FBXL17: variants seen among roughly 807,000 people sequenced by gnomAD.
FBXL17 encodes F-box/LRR-repeat protein 17.
A neutral mutation model predicts 66.2 loss-of-function variants in FBXL17; 22 were observed. The observed-to-expected ratio is 0.33, with a 90% CI of 0.24 to 0.47. The LOEUF (loss-of-function observed/expected upper bound fraction) is 0.47. Ranked by LOEUF, FBXL17 falls within the 20% of genes least tolerant of loss-of-function variation. The pLI is 1.00. For synonymous variants in FBXL17, 474 were observed against 400.5 expected (o/e 1.18, Z -2.19); for missense variants, 878 against 948.2 (o/e 0.93, Z 0.97).
intron 6 of FBXL17, among the ~76,000 whole-genome samples, chr5:108,044,512 C>T (rs1226036307): frequency 6.6e-6 from 1 of 152,124 alleles, no homozygotes; most frequent in Non-Finnish European, 1.5e-5. Context: ...GGCCATAGTG[C>T]ATGATTCTTT....
chr5:108,205,963 T>C (rs1754099554), intron 5 of FBXL17, among the ~76,000 whole-genome samples: 1 of 152,140 alleles, frequency 6.6e-6, no homozygotes, highest in Admixed American at 6.6e-5. Flanking sequence ...CTCTACTGCA[T>C]CACCTCAAGA....
intron 1 of FBXL17, among the ~76,000 whole-genome samples, chr5:108,371,319 T>C (rs983263208): frequency 4.6e-5 from 7 of 152,180 alleles, no homozygotes; most frequent in African/African-American, 1.7e-4. Context: ...CTTAATTTTA[T>C]CATAAAAGCA....
chr5:108,088,366 T>C (rs1749049391), intron 6 of FBXL17, among the ~76,000 whole-genome samples: 1 of 152,180 alleles, frequency 6.6e-6, no homozygotes, highest in Non-Finnish European at 1.5e-5. Context: ...TATTGTTCCC[T>C]TGACACTTCT....
rs150480442 is a variant in FBXL17 at position 107,999,829 on chromosome 5, G to A, written c.1822+21096C>T. Among the ~76,000 whole-genome samples the A allele has an allele frequency of 1.9e-4, 29 of 152,282 alleles. 1 individual carries two copies. The highest frequency in any genetic ancestry group is 7.0e-4 in the African/African-American group (29 of 41,564). Reference sequence around the variant, plus strand: ...GGATAAGTGAATACACATGTTCTTTGGTGCTTAAGTGTGATCTATTCAACA... The same window carrying A: ...GGATAAGTGAATACACATGTTCTTTAGTGCTTAAGTGTGATCTATTCAACA... On this transcript the variant is annotated intron_variant, in intron 7 of 8. Transcript: ENST00000542267.
At chr5:107,994,567 C>T (rs775862446) in intron 7 of FBXL17, among the ~76,000 whole-genome samples, 6 of 152,088 alleles carry the variant, frequency 3.9e-5, no homozygotes, top group Non-Finnish European at 7.4e-5. Flanking sequence ...AGGCTGGGCA[C>T]GGTGGCTCAT....
chr5:108,337,923 T>G (rs1270641476), intron 4 of FBXL17, among the ~76,000 whole-genome samples: 1 of 152,020 alleles, frequency 6.6e-6, no homozygotes, highest in Non-Finnish European at 1.5e-5. Context: ...CACACTTTTT[T>G]CCATTAAATT....
intron 1 of FBXL17, among the ~76,000 whole-genome samples, chr5:108,371,379 G>A (rs1749029263): frequency 6.6e-6 from 1 of 152,208 alleles, no homozygotes; most frequent in Non-Finnish European, 1.5e-5. Flanking sequence ...GTATCTCTGA[G>A]AGAAACTCCA....
chr5:108,081,870 G>T (rs1406497291), intron 6 of FBXL17, among the ~76,000 whole-genome samples: 1 of 144,564 alleles, frequency 6.9e-6, no homozygotes, highest in Non-Finnish European at 1.5e-5. Flanking sequence ...CTTCCCTCCC[G>T]CTTCTACTCT....
intron 3 of FBXL17, among the ~76,000 whole-genome samples, chr5:108,360,924 T>A (rs1352567170): frequency 2.0e-5 from 3 of 152,148 alleles, no homozygotes; most frequent in African/African-American, 7.2e-5. Flanking sequence ...TCTATTTGGT[T>A]CTTTCCATAA....
intron 6 of FBXL17, among the ~76,000 whole-genome samples, chr5:108,070,577 T>C (rs1244436935): frequency 6.6e-6 from 1 of 152,198 alleles, no homozygotes; most frequent in African/African-American, 2.4e-5. Flanking sequence ...ATTGCATAAA[T>C]CAAAACAGTA....
At chr5:108,359,353 G>A (rs1193915251) in intron 3 of FBXL17, among the ~76,000 whole-genome samples, 4 of 151,824 alleles carry the variant, frequency 2.6e-5, no homozygotes, top group South Asian at 2.1e-4. Flanking sequence ...ACGAACTTTG[G>A]GTTTAGCCTG....
chr5:108,045,325 C>A (rs1391636761), intron 6 of FBXL17, among the ~76,000 whole-genome samples: 2 of 151,916 alleles, frequency 1.3e-5, no homozygotes, highest in African/African-American at 2.4e-5. Context: ...ACCTGTAATC[C>A]CGGCTACTTG....
At chr5:107,910,886 G>A (rs1749929373) in intron 7 of FBXL17, among the ~76,000 whole-genome samples, 1 of 151,968 alleles carries the variant, frequency 6.6e-6, no homozygotes. Context: ...TTTATTAAAG[G>A]ACATTAAGGA....
chr5:108,090,764 CAGATTTGGCCAATGGA>C lies in FBXL17; in HGVS notation c.1746-69779_1746-69764del, dbSNP rs529666739. Among the ~76,000 whole-genome samples the C allele has an allele frequency of 2.5e-4, 38 of 152,184 alleles. No homozygotes were observed. The South Asian group carries it at 7.7e-3, about 31-fold the overall frequency. On this transcript the variant is annotated intron_variant, in intron 6 of 8. Transcript: ENST00000542267. ...GGGCCATACAAAAACAGGCGTTGGC[CAGATTTGGCCAATGGA>C]CTAGGTGGTTTGTTGACCCTCTATC...
intron 7 of FBXL17, among the ~76,000 whole-genome samples, chr5:107,997,807 T>A (rs1041845662): frequency 6.6e-6 from 1 of 152,120 alleles, no homozygotes; most frequent in African/African-American, 2.4e-5. Context: ...GATGGATAAA[T>A]CAACACCCTG....
At chr5:108,109,774 A>T (rs889612469) in intron 6 of FBXL17, among the ~76,000 whole-genome samples, 3 of 152,176 alleles carry the variant, frequency 2.0e-5, no homozygotes, top group African/African-American at 7.2e-5. Context: ...AGCTCAATGT[A>T]AACAATGTAT....
At position 108,153,020 on chromosome 5, in the gene FBXL17, T is replaced by C. The variant is rs188921054; in HGVS notation, c.1745+33097A>G. Among the ~76,000 whole-genome samples the C allele has an allele frequency of 5.2e-3, 786 of 152,202 alleles. 2 individuals carry two copies. The highest frequency in any genetic ancestry group is 8.5e-3 in the Non-Finnish European group (575 of 67,994). On this transcript the variant is annotated intron_variant, in intron 6 of 8. Transcript: ENST00000542267. The stretch of plus-strand genomic sequence containing the variant: ...AGTGAGTAAGTCTCATGAGATGTGA[T>C]GGTTTTATAAGGGGGAGTTACCCTG...
intron 6 of FBXL17, among the ~76,000 whole-genome samples, chr5:108,140,514 T>C (rs547317059): frequency 6.6e-6 from 1 of 152,330 alleles, no homozygotes; most frequent in Admixed American, 6.5e-5. Context: ...TTTGCCTATT[T>C]TTCAAATGAT....
chr5:108,273,165 G>C (rs1757345033), intron 4 of FBXL17, among the ~76,000 whole-genome samples: 1 of 152,034 alleles, frequency 6.6e-6, no homozygotes, highest in East Asian at 1.9e-4. Context: ...ATATCACAAG[G>C]CAAGTGGAGG....
Sources: gnomAD v4.1 joint callset for allele counts (sites outside exome capture counted in the v4.1 genomes callset) on GRCh38, gnomAD v4.1.1 for gene constraint, MANE v1.5 for transcripts, NCBI Gene and HGNC (gene_info 2026-07-23, HGNC 2026-07-21) for gene names.